The following UBE2D2 variants were observed in gnomAD, a reference collection of about 807,000 sequenced individuals.
The protein encoded by UBE2D2 is ubiquitin-conjugating enzyme E2 D2.
UBE2D2 carries 2 observed loss-of-function variants against 24.2 expected under a neutral mutation model. The ratio of observed to expected loss-of-function variants is 0.08; its 90% CI spans 0.03 to 0.26. The LOEUF (loss-of-function observed/expected upper bound fraction) is 0.26, where lower values mean the gene tolerates loss of function less well. Ranked by LOEUF, UBE2D2 falls within the 10% of genes least tolerant of loss-of-function variation. The pLI is 1.00. For synonymous variants in UBE2D2, 58 were observed against 56.5 expected (o/e 1.03, Z -0.12); for missense variants, 44 against 177.6 (o/e 0.25, Z 4.28).
intron 5 of UBE2D2, among the ~76,000 whole-genome samples, chr5:139,617,475 C>T (rs1048790526): frequency 2.0e-5 from 3 of 147,354 alleles, no homozygotes; most frequent in Non-Finnish European, 4.5e-5. Flanking sequence ...CTCCCGGGTT[C>T]AAGCAATTCT....
intron 1 of UBE2D2, among the ~76,000 whole-genome samples, chr5:139,562,747 C>T (rs1284997219): frequency 6.6e-6 from 1 of 152,080 alleles, no homozygotes; most frequent in Non-Finnish European, 1.5e-5. Flanking sequence ...AGGAGGTTTT[C>T]CTAATAATAC....
intron 1 of UBE2D2, among the ~76,000 whole-genome samples, chr5:139,589,915 G>C (rs1306022995): frequency 6.6e-6 from 1 of 152,014 alleles, no homozygotes; most frequent in African/African-American, 2.4e-5. Flanking sequence ...CTCCCGAGTA[G>C]CTGGGACTAC....
chr5:139,586,969 C>G (rs1753743018), intron 1 of UBE2D2, among the ~76,000 whole-genome samples: 1 of 152,176 alleles, frequency 6.6e-6, no homozygotes, highest in South Asian at 2.1e-4. Flanking sequence ...TACAGTGGCA[C>G]TATCATAGTG....
chr5:139,571,704 A>G (rs73790665), intron 1 of UBE2D2, among the ~76,000 whole-genome samples: 7,807 of 151,792 alleles, frequency 0.051, 248 homozygotes, highest in South Asian at 0.11. Context: ...CCCTTTGCCA[A>G]ACTTAACTTT....
chr5:139,603,284 T>C (rs1754119719), intron 2 of UBE2D2, among the ~76,000 whole-genome samples: 2 of 152,226 alleles, frequency 1.3e-5, no homozygotes, highest in Non-Finnish European at 2.9e-5. Context: ...TTTGCTTTGC[T>C]TCTGCCATAG....
chr5:139,548,163 C>CAAAAAAAAAA lies in UBE2D2; in HGVS notation c.-64+21562_-64+21571dup, dbSNP rs749269739. ...TGGGCGACAGAGCGAGACTCCGTCTCAAAAAAAAAAAAAAAAAAAATAAAA... is the reference window on the plus strand; with the variant it reads ...TGGGCGACAGAGCGAGACTCCGTCTCAAAAAAAAAAAAAAAAAAAAAAAAAAAAAATAAAA... On this transcript the variant is annotated intron_variant, in intron 1 of 6. Coordinates refer to the UBE2D2 transcript ENST00000511725. 2.1e-4 allele frequency among the ~76,000 whole-genome samples: 7 copies of CAAAAAAAAAA among 32,950 alleles called. 1 individual carries two copies. The highest frequency in any genetic ancestry group is 4.4e-4 in the Non-Finnish European group (6 of 13,774). The allele number at this position is 32,950 out of a possible 152,430, so 21.6% of individuals were successfully genotyped here.
chr5:139,581,866 A>G (rs544370771), intron 1 of UBE2D2, among the ~76,000 whole-genome samples: 1 of 152,150 alleles, frequency 6.6e-6, no homozygotes, highest in East Asian at 1.9e-4. Flanking sequence ...ACGGAGTTTC[A>G]CTATGTTGGT....
chr5:139,539,793 C>T (rs1380793329), intron 1 of UBE2D2, among the ~76,000 whole-genome samples: 3 of 150,562 alleles, frequency 2.0e-5, no homozygotes, highest in Admixed American at 1.3e-4. Context: ...TGTTGGGTTT[C>T]GCCATGTTGG....
At chr5:139,623,775 T>G in intron 6 of UBE2D2, 1 of 177,832 alleles carries the variant, frequency 5.6e-6, no homozygotes, top group Non-Finnish European at 1.2e-5. Flanking sequence ...CACTGCAACC[T>G]CCGCCTCCTG....
intron 2 of UBE2D2, 45 bp from the exon 3 acceptor site, chr5:139,614,541 A>G (rs764624786): frequency 1.2e-6 from 2 of 1,607,240 alleles, no homozygotes; most frequent in Admixed American, 1.7e-5. Context: ...CGTAGATACA[A>G]TGTAGATATT....
intron 1 of UBE2D2, chr5:139,562,492 C>G (rs1176533225): frequency 6.5e-6 from 8 of 1,230,798 alleles, no homozygotes; most frequent in Non-Finnish European, 8.4e-6. Flanking sequence ...CTAACACTTC[C>G]GTTTTGCAGG....
chr5:139,543,685 C>T (rs1359679134), intron 1 of UBE2D2, among the ~76,000 whole-genome samples: 3 of 152,356 alleles, frequency 2.0e-5, no homozygotes, highest in East Asian at 1.9e-4. Context: ...CGGTTCACGC[C>T]GGTCTTCGCC....
At chr5:139,610,631 G>A (rs1754298298) in intron 2 of UBE2D2, among the ~76,000 whole-genome samples, 1 of 151,768 alleles carries the variant, frequency 6.6e-6, no homozygotes, top group African/African-American at 2.4e-5. Context: ...CCAGCACTTT[G>A]GGAGGCTGAG....
chr5:139,548,193 A>AATAAAAAAATAAAAAT (rs1752862553), intron 1 of UBE2D2, among the ~76,000 whole-genome samples: 4 of 47,108 alleles, frequency 8.5e-5, no homozygotes, highest in East Asian at 6.6e-4. Context: ...ATAAAAAAAA[A>AATAAAAAAATAAAAAT]AAATAAATAA....
At chr5:139,589,871 G>A (rs1330275720) in intron 1 of UBE2D2, among the ~76,000 whole-genome samples, 2 of 151,920 alleles carry the variant, frequency 1.3e-5, no homozygotes, top group Non-Finnish European at 2.9e-5. Flanking sequence ...TGCAAACTCC[G>A]CCTCCTGGGT....
At chr5:139,546,813 TCTTTCTTCCTTCCTTCCTTCCTTC>T (rs1171008849) in intron 1 of UBE2D2, among the ~76,000 whole-genome samples, 26 of 128,340 alleles carry the variant, frequency 2.0e-4, no homozygotes, top group Middle Eastern at 4.1e-3. Flanking sequence ...CTTTCTTCTT[TCTTTCTTCCTTCCTTCCTTCCTTC>T]CTTCCTTCCT....
intron 1 of UBE2D2, among the ~76,000 whole-genome samples, chr5:139,591,988 T>C (rs1753854829): frequency 6.6e-6 from 1 of 151,954 alleles, no homozygotes; most frequent in African/African-American, 2.4e-5. Flanking sequence ...TCCCTTGAGG[T>C]CAGGAGTTCT....
chr5:139,537,939 G>C (rs1186983391), intron 1 of UBE2D2, among the ~76,000 whole-genome samples: 1 of 149,720 alleles, frequency 6.7e-6, no homozygotes, highest in Non-Finnish European at 1.5e-5. Context: ...ACTCCATCCT[G>C]GGCAACAGAG....
chr5:139,624,818 C>T (rs889858147), intron 6 of UBE2D2, among the ~76,000 whole-genome samples: 1 of 152,172 alleles, frequency 6.6e-6, no homozygotes, highest in Non-Finnish European at 1.5e-5. Context: ...GGCATAGATA[C>T]GTTTTTGTTT....
Sources: gnomAD v4.1 joint callset for allele counts (sites outside exome capture counted in the v4.1 genomes callset) on GRCh38, gnomAD v4.1.1 for gene constraint, MANE v1.5 for transcripts, NCBI Gene and HGNC (gene_info 2026-07-23, HGNC 2026-07-21) for gene names.